Variants in A2M observed in about 807,000 individuals in gnomAD.
A2M encodes the protein alpha-2-macroglobulin.
In A2M, 128 loss-of-function variants were observed where a neutral mutation model predicts 183.9. That is an observed-to-expected ratio of 0.70 (90% confidence interval 0.60 to 0.81). A2M has a LOEUF of 0.81. Among genes scored for constraint, A2M ranks in the 30% least tolerant of loss-of-function variants. The pLI, the probability that A2M is intolerant of heterozygous loss-of-function variation, is 0.00. For missense variants in A2M, 1,495 were observed against 1,787.6 expected (o/e 0.84, Z 2.95); for synonymous variants, 592 against 670.8 (o/e 0.88, Z 1.81).
At chr12:9,113,171 C>A (rs1240052764) in intron 2 of A2M, among the ~76,000 whole-genome samples, 189 bp downstream of exon 2, 1 of 149,936 alleles carries the variant, frequency 6.7e-6, no homozygotes, top group Non-Finnish European at 1.5e-5. Flanking sequence ...TTTTAGTTTG[C>A]CTGTAAATAT....
intron 28 of A2M, 116 bp from the exon 29 acceptor site, chr12:9,074,899 C>G: frequency 9.2e-7 from 1 of 1,091,140 alleles, no homozygotes; most frequent in Non-Finnish European, 1.3e-6. Context: ...ATCCCCTGTA[C>G]TGTATGTAGA....
At chr12:9,079,406 C>A in intron 24 of A2M, 75 bp from the exon 25 acceptor site, 1 of 1,399,168 alleles carries the variant, frequency 7.1e-7, no homozygotes, top group South Asian at 1.2e-5. Context: ...CTAAAAGTAC[C>A]TTGGCTTCTC....
chr12:9,114,526 T>G (rs1300094059), intron 1 of A2M, among the ~76,000 whole-genome samples: 1 of 152,148 alleles, frequency 6.6e-6, no homozygotes, highest in Non-Finnish European at 1.5e-5. Context: ...AAAAAATTCT[T>G]TTAATGGTCT....
intron 19 of A2M, 162 bp from the exon 20 acceptor site, chr12:9,090,644 A>C: frequency 1.4e-6 from 1 of 696,302 alleles, no homozygotes; most frequent in Non-Finnish European, 2.3e-6. Flanking sequence ...AGTGGATCTT[A>C]ATGTATCAGA....
chr12:9,072,080 A>T (rs1948595857), intron 31 of A2M, among the ~76,000 whole-genome samples: 1 of 152,230 alleles, frequency 6.6e-6, no homozygotes, highest in Non-Finnish European at 1.5e-5. Context: ...GGATTTCATT[A>T]CATAACAAGG....
chr12:9,072,895 G>T (rs758631230), intron 29 of A2M, 24 bp from the exon 30 acceptor site: 1 of 1,595,616 alleles, frequency 6.3e-7, no homozygotes, highest in Non-Finnish European at 8.6e-7. Flanking sequence ...ATGAGTGAGA[G>T]AACCCATTGG....
chr12:9,068,287 C>CATG (rs1948456685), intron 34 of A2M, 63 bp from the exon 35 acceptor site: 1 of 1,543,418 alleles, frequency 6.5e-7, no homozygotes, highest in African/African-American at 1.4e-5. Context: ...AGAAAGCAAA[C>CATG]ATCTGTGGGA....
chr12:9,074,182 G>T (rs1472062920), intron 29 of A2M, among the ~76,000 whole-genome samples: 1 of 151,878 alleles, frequency 6.6e-6, no homozygotes, highest in Non-Finnish European at 1.5e-5. Context: ...GGAGAGATTT[G>T]CGAGGAGAGG....
In A2M at chr12:9,079,271, C is replaced by T. The variant is rs202210880; in HGVS notation, c.3092G>A (p.Arg1031Gln). The stretch of plus-strand genomic sequence containing the variant: ...GGTGTTGCCCTGGTTCCTGCCATAT[C>T]GCTCCCCAAAGGTGCTGTAGGAGCC... The part of the protein sequence containing the change: ...YDGSYSTFGE[R>Q]YGRNQGNTWL... Residue 1031 changes from arginine to glutamine, a missense_variant, in exon 25 of 36, where the codon CGA becomes CAA. Arg to Gln is a conservative substitution (Grantham distance 43). Coordinates refer to ENST00000318602, the MANE Select transcript of A2M (RefSeq NM_000014.6). 5.5e-4 allele frequency: 889 copies of T among 1,613,642 alleles called. 4 individuals are homozygous for T. The highest frequency in any genetic ancestry group is 5.4e-3 in the Middle Eastern group (33 of 6,058).
intron 34 of A2M, 35 bp from the exon 35 acceptor site, chr12:9,068,259 C>T (rs1217311100): frequency 2.5e-5 from 40 of 1,593,410 alleles, no homozygotes; most frequent in Non-Finnish European, 3.4e-5. Context: ...AACCAGAAAT[C>T]ATTACATGAA....
At chr12:9,100,997 CA>C (rs779326172) in intron 13 of A2M, 146 bp downstream of exon 13, 77 of 721,604 alleles carry the variant, frequency 1.1e-4, no homozygotes, top group Middle Eastern at 4.8e-4. Flanking sequence ...AAATCACTAC[CA>C]AAGAATTTAT....
chr12:9,106,372 T>C (rs750866607), intron 9 of A2M, 27 bp from the exon 10 acceptor site: 2 of 1,539,690 alleles, frequency 1.3e-6, no homozygotes, highest in Non-Finnish European at 1.8e-6. Context: ...AAATCTGTTA[T>C]TTTTGGGAAG....
intron 27 of A2M, 80 bp downstream of exon 27, chr12:9,077,266 G>A: frequency 1.6e-6 from 2 of 1,289,082 alleles, no homozygotes; most frequent in Admixed American, 2.0e-5. Flanking sequence ...GCTTTTAATA[G>A]GATAGTATTT....
At position 9,097,367 on chromosome 12, in the gene A2M, G is replaced by T. The variant is rs772973366; in HGVS notation, c.1851+1240C>A. Among the ~76,000 whole-genome samples the T allele has an allele frequency of 3.3e-5, 5 of 152,184 alleles. No individual in the cohort carries two copies. The South Asian group carries it at 8.3e-4, about 25-fold the overall frequency. ...GTAGTAGAAAAAGCTTCAGTAAGAG[G>T]TTATTACAATTGGTCTCATATTAAA... On this transcript the variant is annotated intron_variant, in intron 15 of 35. Transcript: ENST00000318602.
At chr12:9,092,971 G>A (rs1394490393) in intron 18 of A2M, among the ~76,000 whole-genome samples, 1 of 152,166 alleles carries the variant, frequency 6.6e-6, no homozygotes, top group Non-Finnish European at 1.5e-5. Context: ...ATGAACCTGG[G>A]GGAGATTATG....
chr12:9,109,794 G>A, intron 6 of A2M, 73 bp downstream of exon 6: 1 of 1,418,152 alleles, frequency 7.1e-7, no homozygotes, highest in Non-Finnish European at 9.5e-7. Context: ...GACTCCAAAT[G>A]AACTTAAATT....
chr12:9,100,366 C>T lies in A2M; in HGVS notation c.1558+778G>A, dbSNP rs773135077. 3.3e-5 allele frequency among the ~76,000 whole-genome samples: 5 copies of T among 152,266 alleles called. No individual in the cohort carries two copies. The South Asian group carries it at 6.2e-4, about 19-fold the overall frequency. On this transcript the variant is annotated intron_variant, in intron 13 of 35. Transcript: ENST00000318602. ...TCAAGAATATTTATGGTTTAAAAAT[C>T]TGGAATAAGCATAGATTATACACAA... is the stretch of plus-strand genomic sequence containing the variant.
intron 15 of A2M, 121 bp from the exon 16 acceptor site, chr12:9,095,821 G>C (rs1166045319): frequency 2.7e-6 from 2 of 752,110 alleles, no homozygotes; most frequent in South Asian, 4.3e-5. Context: ...CTGCAGTGGC[G>C]CAATCTCGGC....
At chr12:9,101,118 A>G (rs1321205994) in intron 13 of A2M, 26 bp downstream of exon 13, 38 of 1,552,476 alleles carry the variant, frequency 2.4e-5, no homozygotes, top group Non-Finnish European at 3.1e-5. Context: ...ATGGGGCAGC[A>G]ATGCAGAGAT....
Sources: allele counts gnomAD v4.1 joint callset (sites outside exome capture counted in the v4.1 genomes callset), GRCh38; gene constraint gnomAD v4.1.1; transcripts MANE v1.5; gene names NCBI Gene and HGNC (gene_info 2026-07-23, HGNC 2026-07-21).